Variants in NR3C1 observed in about 807,000 individuals in gnomAD.
The protein encoded by NR3C1 is glucocorticoid receptor.
In NR3C1, 14 loss-of-function variants were observed where a neutral mutation model predicts 74.0. The observed-to-expected ratio is 0.19, with a 90% CI of 0.12 to 0.30. The LOEUF (loss-of-function observed/expected upper bound fraction) is 0.30. NR3C1 is among the 10% of genes least tolerant of loss of function. The pLI is 1.00. For missense variants in NR3C1, 695 were observed against 909.8 expected (o/e 0.76, Z 3.04); for synonymous variants, 308 against 332.5 (o/e 0.93, Z 0.80).
intron 6 of NR3C1, 128 bp downstream of exon 6, chr5:143,298,540 G>T (rs1051175603): frequency 2.1e-6 from 2 of 954,906 alleles, no homozygotes; most frequent in Non-Finnish European, 3.3e-6. Context: ...TTTCCAGTTT[G>T]CCTAGATCCT....
chr5:143,378,682 TC>T (rs1835655925), intron 2 of NR3C1, among the ~76,000 whole-genome samples: 1 of 152,332 alleles, frequency 6.6e-6, no homozygotes, highest in South Asian at 2.1e-4. Context: ...GTGTGTTTCA[TC>T]TTTTCTATTA....
At chr5:143,371,416 T>C (rs974588534) in intron 2 of NR3C1, among the ~76,000 whole-genome samples, 4 of 152,260 alleles carry the variant, frequency 2.6e-5, no homozygotes, top group Non-Finnish European at 5.9e-5. Flanking sequence ...TTTCATATCA[T>C]TCTTTTCTGT....
At chr5:143,288,090 G>T (rs968651349) in intron 7 of NR3C1, among the ~76,000 whole-genome samples, 1 of 151,810 alleles carries the variant, frequency 6.6e-6, no homozygotes, top group African/African-American at 2.4e-5. Context: ...TCCAAAGCTG[G>T]AATTCCTATT....
Position 143,281,334 on chromosome 5 carries a change from C to T in NR3C1, c.*555G>A, listed in dbSNP as rs1813062522. The T allele has an allele frequency of 1.3e-5, 2 of 153,536 alleles. No homozygotes were observed. Among genetic ancestry groups the T allele is most frequent in the Admixed American group, 6.5e-5 (1 of 15,424 alleles). 9.5% of individuals were successfully genotyped at this position (153,536 alleles called of 1,614,324 possible). On this transcript the variant is annotated 3_prime_UTR_variant, in exon 9 of 9. Coordinates refer to ENST00000394464, the MANE Select transcript of NR3C1 (RefSeq NM_000176.3). ...AAAAAATTATGTAAGAAAAAATGAG[C>T]AAGCGTAGTTCACTAAATATAAAGG...
At chr5:143,326,077 T>C (rs902630756) in intron 2 of NR3C1, among the ~76,000 whole-genome samples, 5 of 152,254 alleles carry the variant, frequency 3.3e-5, no homozygotes, top group African/African-American at 9.6e-5. Flanking sequence ...TAATTTTTAC[T>C]GAGTCCATTT....
At chr5:143,358,527 T>C (rs1236335494) in intron 2 of NR3C1, among the ~76,000 whole-genome samples, 1 of 152,232 alleles carries the variant, frequency 6.6e-6, no homozygotes. Flanking sequence ...GCCTCCTCTT[T>C]GCCTTTAGTT....
At chr5:143,344,652 CA>C (rs1177913227) in intron 2 of NR3C1, among the ~76,000 whole-genome samples, 1 of 152,184 alleles carries the variant, frequency 6.6e-6, no homozygotes, top group African/African-American at 2.4e-5. Flanking sequence ...GCGGGTGGAT[CA>C]CCTGAGGTCA....
At chr5:143,368,178 G>A (rs1406239856) in intron 2 of NR3C1, among the ~76,000 whole-genome samples, 1 of 152,014 alleles carries the variant, frequency 6.6e-6, no homozygotes, top group Non-Finnish European at 1.5e-5. Flanking sequence ...GGGACAACTA[G>A]GTATCATTAC....
intron 3 of NR3C1, among the ~76,000 whole-genome samples, chr5:143,310,824 A>T (rs1820771370): frequency 6.6e-6 from 1 of 151,902 alleles, no homozygotes; most frequent in African/African-American, 2.4e-5. Context: ...CGCCTGGCTA[A>T]TTTTTATATT....
chr5:143,368,566 CA>C (rs1833691875), intron 2 of NR3C1, among the ~76,000 whole-genome samples: 5 of 151,420 alleles, frequency 3.3e-5, no homozygotes, highest in South Asian at 2.1e-4. Flanking sequence ...CACACACACA[CA>C]CCGACAACTC....
intron 2 of NR3C1, among the ~76,000 whole-genome samples, chr5:143,316,340 T>C (rs1822072179): frequency 1.3e-5 from 2 of 152,212 alleles, no homozygotes; most frequent in Non-Finnish European, 2.9e-5. Flanking sequence ...AAACAGTTGT[T>C]TGTATATTAG....
chr5:143,310,916 G>A (rs1820794990), intron 3 of NR3C1, among the ~76,000 whole-genome samples: 1 of 152,112 alleles, frequency 6.6e-6, no homozygotes, highest in African/African-American at 2.4e-5. Flanking sequence ...TCGGCCTCCC[G>A]ATGTGCTGGG....
intron 4 of NR3C1, among the ~76,000 whole-genome samples, chr5:143,308,134 T>C (rs72801052): frequency 0.13 from 19,717 of 152,184 alleles, 1,479 homozygotes; most frequent in Middle Eastern, 0.3. Context: ...CAGTGTGTGC[T>C]AGATAGCACC....
At position 143,328,138 on chromosome 5, in the gene NR3C1, C is replaced by T. The variant is rs551116157; in HGVS notation, c.1185-13970G>A. On this transcript the variant is annotated intron_variant, in intron 2 of 8. Coordinates refer to ENST00000394464, the MANE Select transcript of NR3C1 (RefSeq NM_000176.3). ...CAAACCTCAACTCTTGTCTTCTGCG[C>T]ACCTGCAGGCCCAACACCACGTGAA... is the stretch of plus-strand genomic sequence containing the variant. 1.9e-4 allele frequency among the ~76,000 whole-genome samples: 29 copies of T among 152,368 alleles called. No individual in the cohort carries two copies. In the South Asian group the frequency reaches 3.5e-3, roughly 18 times the overall value.
At chr5:143,308,154 T>C (rs372514623) in intron 4 of NR3C1, among the ~76,000 whole-genome samples, 3 of 152,082 alleles carry the variant, frequency 2.0e-5, no homozygotes, top group Non-Finnish European at 2.9e-5. Flanking sequence ...CAACAATTAG[T>C]CTCTCCTATC....
At chr5:143,307,327 A>G (rs1448227274) in intron 4 of NR3C1, among the ~76,000 whole-genome samples, 1 of 152,240 alleles carries the variant, frequency 6.6e-6, no homozygotes, top group African/African-American at 2.4e-5. Context: ...CTTCTAGTAC[A>G]GTAAGGGCAA....
chr5:143,304,110 AAAAT>A (rs1204610420), intron 4 of NR3C1, among the ~76,000 whole-genome samples: 1 of 152,154 alleles, frequency 6.6e-6, no homozygotes, highest in Non-Finnish European at 1.5e-5. Context: ...TCCAAATAGG[AAAAT>A]AAATAATCAA....
chr5:143,420,361 T>C (rs549779820), intron 1 of NR3C1, among the ~76,000 whole-genome samples: 5 of 152,294 alleles, frequency 3.3e-5, no homozygotes, highest in Admixed American at 6.5e-5. Context: ...TGTTTAGAGA[T>C]TGCAGTGAAG....
At chr5:143,402,886 G>A (rs1840600385) in intron 1 of NR3C1, 1 of 955,454 alleles carries the variant, frequency 1.0e-6, no homozygotes, top group Non-Finnish European at 1.2e-6. Context: ...GACACTAGGG[G>A]GAGAAAAGAG....
Sources: gnomAD v4.1 joint callset for allele counts (sites outside exome capture counted in the v4.1 genomes callset) on GRCh38, gnomAD v4.1.1 for gene constraint, MANE v1.5 for transcripts, NCBI Gene and HGNC (gene_info 2026-07-23, HGNC 2026-07-21) for gene names.